The following SASH1 variants were observed in gnomAD, a reference collection of about 807,000 sequenced individuals.
SASH1 encodes the protein SAM and SH3 domain-containing protein 1.
In SASH1, 44 loss-of-function variants were observed where a neutral mutation model predicts 125.2. That is an observed-to-expected ratio of 0.35 (90% CI 0.28 to 0.45). The LOEUF is 0.45. SASH1 is among the 20% of genes least tolerant of loss of function. The probability of loss-of-function intolerance (pLI) is 1.00; values close to 1 mark genes in which losing one functional copy is unlikely to be tolerated. For synonymous variants in SASH1, 639 were observed against 649.1 expected (o/e 0.98, Z 0.24); for missense variants, 1,426 against 1,614.5 (o/e 0.88, Z 2.00).
the SASH1 span, among the ~76,000 whole-genome samples, chr6:148,236,580 G>A: frequency 6.6e-5 from 10 of 152,260 alleles, no homozygotes; most frequent in East Asian, 1.9e-4. Flanking sequence ...GAGTCAGTTC[G>A]TAAGGATGGG....
the SASH1 span, among the ~76,000 whole-genome samples, chr6:148,210,013 A>G: frequency 6.6e-6 from 1 of 152,232 alleles, no homozygotes; most frequent in Non-Finnish European, 1.5e-5. Context: ...TTGTAAGCAA[A>G]AGCCCTACAT....
intron 1 of SASH1, among the ~76,000 whole-genome samples, chr6:148,384,896 T>G (rs1050352548): frequency 1.3e-5 from 2 of 152,190 alleles, no homozygotes; most frequent in African/African-American, 2.4e-5. Flanking sequence ...AAATGATGAT[T>G]ATTCTTATTA....
intron 5 of SASH1, 176 bp downstream of exon 5, chr6:148,468,761 G>A: frequency 1.9e-6 from 1 of 535,514 alleles, no homozygotes; most frequent in South Asian, 2.8e-5. Context: ...AAATATAATT[G>A]TGATCATATT....
chr6:148,378,357 A>ATT (rs397888480), intron 1 of SASH1, among the ~76,000 whole-genome samples: 51 of 134,118 alleles, frequency 3.8e-4, no homozygotes, highest in Admixed American at 8.2e-4. Context: ...CCCGGCCACA[A>ATT]TTTTTTTTTT....
chr6:148,337,249 A>T (rs1781186996), intron 1 of SASH1, among the ~76,000 whole-genome samples: 1 of 123,890 alleles, frequency 8.1e-6, no homozygotes, highest in Admixed American at 8.8e-5. Context: ...TTTGAGATGG[A>T]GTCTCGTTCT....
chr6:148,544,530 A>G lies in SASH1; in HGVS notation c.3060A>G (p.Pro1020=), dbSNP rs374129721. The part of the protein sequence containing the change: ...ALPSPDAPCL[P]VKRGSPASPT... Reference sequence around the variant, plus strand: ...CCAGTCCCGATGCGCCATGCCTGCCAGTGAAAAGGGGCAGCCCCGCCAGCC... The same window carrying G: ...CCAGTCCCGATGCGCCATGCCTGCCGGTGAAAAGGGGCAGCCCCGCCAGCC... The change falls in exon 18 of 20, where the codon CCA becomes CCG. Residue 1020 remains proline (P), a synonymous_variant. Transcript: ENST00000367467. The surrounding 1 kb of genome is among the most constrained non-coding windows in gnomAD (Gnocchi z 6.4). 2 of 1,613,088 alleles carry G rather than the reference A, an allele frequency of 1.2e-6. No individual in the cohort carries two copies. Among genetic ancestry groups the G allele is most frequent in the African/African-American group, 2.7e-5 (2 of 74,908 alleles).
At chr6:148,491,308 C>T (rs537944734) in intron 8 of SASH1, among the ~76,000 whole-genome samples, 70 of 152,282 alleles carry the variant, frequency 4.6e-4, no homozygotes, top group Middle Eastern at 3.4e-3. Context: ...CTCACTCCGT[C>T]GCTCAGGCTG....
intron 2 of SASH1, among the ~76,000 whole-genome samples, chr6:148,431,338 A>G (rs1776052560): frequency 6.6e-6 from 1 of 151,936 alleles, no homozygotes; most frequent in Middle Eastern, 3.2e-3. Flanking sequence ...GGCTGGGACT[A>G]CAGATGCCGG....
intron 4 of SASH1, among the ~76,000 whole-genome samples, chr6:148,447,747 C>CTCCTCCTCG (rs1776869415): frequency 6.6e-6 from 1 of 151,732 alleles, no homozygotes; most frequent in Non-Finnish European, 1.5e-5. Context: ...CTTCCTCCTC[C>CTCCTCCTCG]TCCTCCTCGT....
chr6:148,361,485 C>T (rs1026781458), intron 1 of SASH1, among the ~76,000 whole-genome samples: 1 of 151,990 alleles, frequency 6.6e-6, no homozygotes, highest in African/African-American at 2.4e-5. Flanking sequence ...GCCTGTAGTC[C>T]CAGCTACTCG....
At chr6:148,280,667 G>T (rs1479551500) in intron 1 of SASH1, among the ~76,000 whole-genome samples, 2 of 152,102 alleles carry the variant, frequency 1.3e-5, no homozygotes, top group East Asian at 3.9e-4. Context: ...AATTAGCTGA[G>T]TGTGGTTGCA....
chr6:148,204,753 G>A, the SASH1 span, among the ~76,000 whole-genome samples: 2 of 151,794 alleles, frequency 1.3e-5, no homozygotes, highest in Non-Finnish European at 2.9e-5. Flanking sequence ...ACTATAGTAA[G>A]TATCCAGACC....
chr6:148,426,229 T>A (rs1424716800), intron 2 of SASH1, among the ~76,000 whole-genome samples: 1 of 151,992 alleles, frequency 6.6e-6, no homozygotes, highest in African/African-American at 2.4e-5. Flanking sequence ...AATAAATAAA[T>A]AAATAAAAAT....
chr6:148,432,672 A>C (rs1410271769), intron 2 of SASH1, among the ~76,000 whole-genome samples: 1 of 152,154 alleles, frequency 6.6e-6, no homozygotes, highest in African/African-American at 2.4e-5. Flanking sequence ...TTGGAACAGA[A>C]GGGGGATTTG....
intron 8 of SASH1, among the ~76,000 whole-genome samples, chr6:148,494,018 A>G (rs1779214321): frequency 6.6e-6 from 1 of 152,182 alleles, no homozygotes; most frequent in Non-Finnish European, 1.5e-5. Context: ...TTTCTAGTTA[A>G]GAAGACATTT....
In SASH1 at chr6:148,440,517, C is replaced by T. The variant is rs574748779; in HGVS notation, c.386+110C>T. ...TGTGCGTATGTACTATGGAGTTATG[C>T]GATGTCATTTTCCTTAACATGTTGC... On this transcript the variant is annotated intron_variant, in intron 4 of 19. Coordinates refer to ENST00000367467, the MANE Select transcript of SASH1 (RefSeq NM_015278.5). The T allele has an allele frequency of 9.7e-4, 881 of 911,304 alleles. 4 individuals carry two copies. Among genetic ancestry groups the T allele is most frequent in the Non-Finnish European group, 1.2e-3 (701 of 569,580 alleles). 56.5% of individuals were successfully genotyped at this position (911,304 alleles called of 1,614,324 possible). A position where few individuals can be genotyped will look rare whatever the true frequency, so the allele number is the denominator to read the frequency against.
chr6:148,353,313 G>A (rs10457831), intron 1 of SASH1, among the ~76,000 whole-genome samples: 34,584 of 151,924 alleles, frequency 0.23, 4,449 homozygotes, highest in African/African-American at 0.35. Flanking sequence ...TTGGCCTCAA[G>A]CAGTCCTCCC....
At chr6:148,473,719 A>G (rs1461226782) in intron 6 of SASH1, among the ~76,000 whole-genome samples, 2 of 152,138 alleles carry the variant, frequency 1.3e-5, no homozygotes, top group Non-Finnish European at 2.9e-5. Context: ...GACACAAAGA[A>G]CCCACAGCTG....
At chr6:148,247,824 G>A in the SASH1 span, among the ~76,000 whole-genome samples, 5 of 152,216 alleles carry the variant, frequency 3.3e-5, no homozygotes, top group Non-Finnish European at 5.9e-5. Flanking sequence ...TACTGTAGTT[G>A]ATAAAGCGCT....
Sources: gnomAD v4.1 joint callset for allele counts (sites outside exome capture counted in the v4.1 genomes callset) on GRCh38, gnomAD v4.1.1 for gene constraint, Gnocchi (gnomAD v3.1) non-coding constraint, MANE v1.5 for transcripts, NCBI Gene and HGNC (gene_info 2026-07-23, HGNC 2026-07-21) for gene names.